UBXN2A: variants seen among roughly 807,000 people sequenced by gnomAD.
UBXN2A encodes UBX domain protein 2A.
In UBXN2A, 28 loss-of-function variants were observed where a neutral mutation model predicts 28.4. The ratio of observed to expected loss-of-function variants is 0.99; its 90% CI spans 0.73 to 1.35. The LOEUF is 1.35. Ranked by LOEUF, UBXN2A falls within the 40% of genes most tolerant of loss-of-function variation. The pLI, the probability that UBXN2A is intolerant of heterozygous loss-of-function variation, is 0.00. For synonymous variants in UBXN2A, 97 were observed against 103.6 expected (o/e 0.94, Z 0.39); for missense variants, 253 against 297.9 (o/e 0.85, Z 1.11).
chr2:23,992,504 A>T (rs1238398055), intron 6 of UBXN2A, among the ~76,000 whole-genome samples: 3 of 152,196 alleles, frequency 2.0e-5, no homozygotes, highest in Non-Finnish European at 4.4e-5. Flanking sequence ...TCCTCTGGGT[A>T]TACGAACAAT....
chr2:23,999,451 G>A (rs925688259), intron 6 of UBXN2A, among the ~76,000 whole-genome samples: 2 of 152,000 alleles, frequency 1.3e-5, no homozygotes, highest in African/African-American at 4.8e-5. Context: ...TGGGTGTTGT[G>A]GCTCATGCCT....
chr2:23,999,623 T>G (rs1289053546), intron 6 of UBXN2A, 49 bp from the exon 7 acceptor site: 1 of 1,540,234 alleles, frequency 6.5e-7, no homozygotes, highest in Admixed American at 2.0e-5. Flanking sequence ...ATAAATTAGG[T>G]AATTCAAATT....
At chr2:23,952,467 C>T (rs1706420441) in intron 1 of UBXN2A, among the ~76,000 whole-genome samples, 1 of 151,822 alleles carries the variant, frequency 6.6e-6, no homozygotes, top group African/African-American at 2.4e-5. Flanking sequence ...TTTTTTGAGA[C>T]AGAGTCTTTC....
chr2:23,943,048 C>T (rs578129432), intron 1 of UBXN2A, among the ~76,000 whole-genome samples: 4 of 151,668 alleles, frequency 2.6e-5, no homozygotes, highest in African/African-American at 7.3e-5. Flanking sequence ...CTCTGCCTCC[C>T]GGGTTCAAAC....
chr2:23,974,288 A>G (rs1426101084), intron 3 of UBXN2A, among the ~76,000 whole-genome samples: 1 of 150,810 alleles, frequency 6.6e-6, no homozygotes, highest in Non-Finnish European at 1.5e-5. Flanking sequence ...AAGTGCTAGG[A>G]TTACAGACTT....
At chr2:23,952,660 G>A (rs34754568) in intron 1 of UBXN2A, among the ~76,000 whole-genome samples, 18,237 of 151,974 alleles carry the variant, frequency 0.12, 1,160 homozygotes, top group Middle Eastern at 0.21. Context: ...GGCCAGGCTA[G>A]TCTTGAACTC....
intron 6 of UBXN2A, among the ~76,000 whole-genome samples, chr2:23,987,140 A>G (rs768696081): frequency 6.6e-6 from 1 of 152,160 alleles, no homozygotes; most frequent in African/African-American, 2.4e-5. Flanking sequence ...AAATAGAAAC[A>G]TGTCATATAT....
chr2:23,948,061 G>A (rs964905959), intron 1 of UBXN2A, among the ~76,000 whole-genome samples: 9 of 151,792 alleles, frequency 5.9e-5, no homozygotes, highest in Non-Finnish European at 1.5e-5. Flanking sequence ...CATCATGTTG[G>A]CCAGGCTGGT....
chr2:23,949,017 T>A (rs1706229869), intron 1 of UBXN2A, among the ~76,000 whole-genome samples: 1 of 148,772 alleles, frequency 6.7e-6, no homozygotes, highest in Non-Finnish European at 1.5e-5. Context: ...CTCCCCTCAC[T>A]GCAACCTCCA....
At chr2:23,966,819 G>C (rs1707200859) in intron 2 of UBXN2A, among the ~76,000 whole-genome samples, 3 of 147,600 alleles carry the variant, frequency 2.0e-5, no homozygotes, top group Non-Finnish European at 4.5e-5. Context: ...CTGTTGCCCA[G>C]GCCTGGAGTA....
At chr2:23,967,237 G>A (rs1305710908) in intron 2 of UBXN2A, among the ~76,000 whole-genome samples, 1 of 152,048 alleles carries the variant, frequency 6.6e-6, no homozygotes, top group Non-Finnish European at 1.5e-5. Flanking sequence ...AAATATTTGA[G>A]TAATTTGAAT....
chr2:23,969,627 C>T (rs181785268), intron 2 of UBXN2A, among the ~76,000 whole-genome samples: 1 of 152,118 alleles, frequency 6.6e-6, no homozygotes, highest in Admixed American at 6.6e-5. Flanking sequence ...TCTCAAAGTG[C>T]TGGGATTACA....
chr2:23,960,294 G>T (rs536237121), intron 2 of UBXN2A, among the ~76,000 whole-genome samples: 1 of 152,036 alleles, frequency 6.6e-6, no homozygotes, highest in South Asian at 2.1e-4. Flanking sequence ...GTTTGCAGAT[G>T]CCAGCCCAGG....
At position 23,973,298 on chromosome 2, in the gene UBXN2A, C is replaced by T. The variant is rs142090665; in HGVS notation, c.180+1884C>T. ...CCTCCCAAAGTTCTGGGATTACAAG[C>T]GTGAGCCACCGCACCTGGCCTGGTA... On this transcript the variant is annotated intron_variant, in intron 3 of 6. Transcript: ENST00000309033. Among the ~76,000 whole-genome samples, 1,215 of 150,852 alleles carry T rather than the reference C, an allele frequency of 8.1e-3. 14 individuals are homozygous for T. The highest frequency in any genetic ancestry group is 0.013 in the Non-Finnish European group (908 of 67,814).
intron 3 of UBXN2A, 58 bp downstream of exon 3, chr2:23,971,472 GT>G (rs1341448472): frequency 1.4e-6 from 2 of 1,429,162 alleles, no homozygotes; most frequent in Non-Finnish European, 9.3e-7. Context: ...ATATGGACCT[GT>G]TAGAGGGTCC....
At chr2:23,931,871 C>T (rs558726992) in intron 1 of UBXN2A, among the ~76,000 whole-genome samples, 174 of 152,074 alleles carry the variant, frequency 1.1e-3, no homozygotes, top group African/African-American at 4.0e-3. Context: ...ATTAGCCAGG[C>T]GTGATGGCAG....
intron 3 of UBXN2A, among the ~76,000 whole-genome samples, chr2:23,975,837 G>T (rs1218506243): frequency 1.3e-5 from 2 of 152,052 alleles, no homozygotes; most frequent in African/African-American, 4.8e-5. Context: ...TGTTGGTCAG[G>T]CTGGTCTTGA....
intron 1 of UBXN2A, among the ~76,000 whole-genome samples, chr2:23,947,214 A>G (rs1706131288): frequency 6.6e-6 from 1 of 152,108 alleles, no homozygotes. Context: ...AAAATACCAC[A>G]TTCTTAGTAG....
intron 4 of UBXN2A, 185 bp downstream of exon 4, chr2:23,977,260 G>T: frequency 2.6e-6 from 1 of 387,988 alleles, no homozygotes; most frequent in Non-Finnish European, 4.8e-6. Flanking sequence ...TTGGGAGACT[G>T]AGGCTACAGT....
Sources: gnomAD v4.1 joint callset for allele counts (sites outside exome capture counted in the v4.1 genomes callset) on GRCh38, gnomAD v4.1.1 for gene constraint, MANE v1.5 for transcripts, NCBI Gene and HGNC (gene_info 2026-07-23, HGNC 2026-07-21) for gene names.